The following DLG2 variants were observed in gnomAD, a reference collection of about 807,000 sequenced individuals.
DLG2 encodes disks large homolog 2.
In DLG2, 45 loss-of-function variants were observed where a neutral mutation model predicts 132.5. That is an observed-to-expected ratio of 0.34 (90% CI 0.27 to 0.44). The LOEUF is 0.44. Among genes scored for constraint, DLG2 ranks in the 20% least tolerant of loss-of-function variants. DLG2 has a pLI of 1.00. For missense variants in DLG2, 1,045 were observed against 1,196.9 expected, an observed-to-expected ratio of 0.87 and a Z score of 1.87; for synonymous variants, 424 against 419.6, an observed-to-expected ratio of 1.01 and a Z score of -0.13.
At chr11:84,996,757 T>C (rs1010940799) in intron 6 of DLG2, among the ~76,000 whole-genome samples, 3 of 152,194 alleles carry the variant, frequency 2.0e-5, no homozygotes, top group African/African-American at 7.2e-5. Context: ...TACAGCAACA[T>C]GGACTTGGTT....
chr11:84,670,715 A>G (rs534956349), intron 6 of DLG2, among the ~76,000 whole-genome samples: 2 of 152,148 alleles, frequency 1.3e-5, no homozygotes, highest in Admixed American at 6.6e-5. Flanking sequence ...ATGTCACACA[A>G]TGACTGAGTG....
chr11:83,459,872 A>G lies in DLG2; in HGVS notation c.2874T>C (p.Val958=), dbSNP rs767223704. The change falls in exon 28 of 28, where the codon GTT becomes GTC. Residue 958 remains valine (V), a synonymous_variant. Coordinates refer to ENST00000376104, the MANE Select transcript of DLG2 (RefSeq NM_001142699.3). ...TGAAAGGCCCAGATTGCTCTTCAAT[A>G]ACAAGCTTGCATTGGTTATATATAT... The part of the protein sequence containing the change: ...LEDIYNQCKL[V]IEEQSGPFIW... 1.9e-6 allele frequency: 3 copies of G among 1,612,704 alleles called. No homozygotes were observed. The South Asian group carries it at 3.3e-5, about 18-fold the overall frequency.
chr11:84,784,628 T>C (rs1490334605), intron 6 of DLG2, among the ~76,000 whole-genome samples: 2 of 152,046 alleles, frequency 1.3e-5, no homozygotes, highest in African/African-American at 4.8e-5. Context: ...GATCTACATA[T>C]AAAGACTCTT....
intron 6 of DLG2, among the ~76,000 whole-genome samples, chr11:84,780,590 A>G (rs2071570908): frequency 6.6e-6 from 1 of 152,040 alleles, no homozygotes; most frequent in Non-Finnish European, 1.5e-5. Flanking sequence ...AGTGTGTGTG[A>G]ATTCTGATTG....
intron 18 of DLG2, among the ~76,000 whole-genome samples, chr11:83,675,568 A>G (rs138562876): frequency 6.6e-6 from 1 of 152,346 alleles, no homozygotes; most frequent in African/African-American, 2.4e-5. Context: ...TAAAGTTCAC[A>G]TTGATTGACT....
rs1181064934 is a variant in DLG2 at position 84,225,083 on chromosome 11, A to G, written c.573+26155T>C. On this transcript the variant is annotated intron_variant, in intron 8 of 27. Coordinates refer to ENST00000376104, the MANE Select transcript of DLG2 (RefSeq NM_001142699.3). ...CTAAGTTTTGTTGGTCTGTTTACAT[A>G]TCTTTATCATCTACAAATCTAAGGC... Among the ~76,000 whole-genome samples the G allele has an allele frequency of 2.6e-5, 4 of 152,258 alleles. No individual in the cohort carries two copies. The East Asian group carries it at 7.7e-4, about 29-fold the overall frequency.
chr11:83,680,909 A>T (rs1294398327), intron 18 of DLG2, among the ~76,000 whole-genome samples: 1 of 152,132 alleles, frequency 6.6e-6, no homozygotes, highest in African/African-American at 2.4e-5. Flanking sequence ...TTTTTCAAAG[A>T]GATGCTAAAA....
intron 8 of DLG2, among the ~76,000 whole-genome samples, chr11:84,184,738 G>A (rs1407628478): frequency 3.3e-5 from 5 of 151,616 alleles, no homozygotes; most frequent in African/African-American, 1.2e-4. Flanking sequence ...ATCTTGAATT[G>A]ATTTTTGTAT....
chr11:84,783,339 C>T (rs938961884), intron 6 of DLG2, among the ~76,000 whole-genome samples: 2 of 151,596 alleles, frequency 1.3e-5, no homozygotes, highest in African/African-American at 4.9e-5. Context: ...AGATCCCTTT[C>T]AGTTCTGACA....
intron 18 of DLG2, among the ~76,000 whole-genome samples, chr11:83,732,273 T>C (rs951484031): frequency 6.6e-6 from 1 of 152,058 alleles, no homozygotes; most frequent in Non-Finnish European, 1.5e-5. Flanking sequence ...AAACATACAA[T>C]CTCAAGGGTG....
At chr11:85,489,411 A>G (rs915708446) in intron 3 of DLG2, among the ~76,000 whole-genome samples, 1 of 152,180 alleles carries the variant, frequency 6.6e-6, no homozygotes, top group African/African-American at 2.4e-5. Context: ...AGATTCAGAA[A>G]ACAAATATTA....
intron 9 of DLG2, among the ~76,000 whole-genome samples, chr11:84,110,703 T>C (rs1192536470): frequency 1.3e-5 from 2 of 152,194 alleles, no homozygotes; most frequent in Non-Finnish European, 2.9e-5. Context: ...ACTAGGTCAC[T>C]GGCTCAGAGG....
intron 4 of DLG2, among the ~76,000 whole-genome samples, chr11:85,284,933 C>A (rs2078461727): frequency 6.6e-6 from 1 of 151,810 alleles, no homozygotes; most frequent in Non-Finnish European, 1.5e-5. Flanking sequence ...GCACAGGTAA[C>A]CATGTTCTGA....
intron 7 of DLG2, among the ~76,000 whole-genome samples, chr11:84,462,934 TTAACAAC>T (rs2099084357): frequency 6.6e-6 from 1 of 151,232 alleles, no homozygotes; most frequent in South Asian, 2.1e-4. Flanking sequence ...TACCAAATTT[TTAACAAC>T]GTAAGAGCTA....
chr11:85,413,289 G>C (rs1410258603), intron 3 of DLG2, among the ~76,000 whole-genome samples: 2 of 151,936 alleles, frequency 1.3e-5, no homozygotes, highest in African/African-American at 4.8e-5. Context: ...GTTCATTGTA[G>C]ATTCTAGATA....
intron 21 of DLG2, among the ~76,000 whole-genome samples, chr11:83,522,957 A>T (rs2095520633): frequency 6.6e-6 from 1 of 152,184 alleles, no homozygotes; most frequent in Non-Finnish European, 1.5e-5. Context: ...ATATAAACAC[A>T]ATGTATAGTT....
intron 11 of DLG2, among the ~76,000 whole-genome samples, chr11:84,042,532 C>T (rs1016974495): frequency 1.3e-5 from 2 of 151,674 alleles, no homozygotes; most frequent in Non-Finnish European, 2.9e-5. Flanking sequence ...TCCAATGGCA[C>T]ATTATGGTAT....
intron 6 of DLG2, among the ~76,000 whole-genome samples, chr11:84,790,189 T>C (rs577718093): frequency 7.2e-4 from 110 of 152,300 alleles, no homozygotes; most frequent in African/African-American, 2.6e-3. Flanking sequence ...TTGTACTAAT[T>C]TACATTCCCA....
chr11:84,709,606 C>T (rs1405400852), intron 6 of DLG2, among the ~76,000 whole-genome samples: 1 of 151,910 alleles, frequency 6.6e-6, no homozygotes, highest in Non-Finnish European at 1.5e-5. Flanking sequence ...CAGTGCCAAA[C>T]TCTACCCTCA....
Sources: gnomAD v4.1 joint callset for allele counts (sites outside exome capture counted in the v4.1 genomes callset) on GRCh38, gnomAD v4.1.1 for gene constraint, MANE v1.5 for transcripts, NCBI Gene and HGNC (gene_info 2026-07-23, HGNC 2026-07-21) for gene names.